Variants in PPM1B observed in about 807,000 individuals in gnomAD.
PPM1B encodes protein phosphatase 1B.
Under a neutral mutation model 43.0 loss-of-function variants are expected in PPM1B, and 22 were observed. The ratio of observed to expected loss-of-function variants is 0.51; its 90% CI spans 0.37 to 0.73. PPM1B has a LOEUF of 0.73. Ranked by LOEUF, PPM1B falls within the 30% of genes least tolerant of loss-of-function variation. PPM1B has a pLI of 0.00. For missense variants in PPM1B, 632 were observed against 584.2 expected, an observed-to-expected ratio of 1.08 and a Z score of -0.84; for synonymous variants, 217 against 197.9, an observed-to-expected ratio of 1.10 and a Z score of -0.81.
At chr2:44,218,106 G>A in intron 4 of PPM1B, 28 bp downstream of exon 4, 2 of 1,491,886 alleles carry the variant, frequency 1.3e-6, no homozygotes, top group South Asian at 2.3e-5. Flanking sequence ...CTAATTTTGA[G>A]TTCGTTCATA....
Position 44,201,165 on chromosome 2 carries a change from C to T in PPM1B, c.-14-21C>T. 1.9e-6 allele frequency: 3 copies of T among 1,551,664 alleles called. No homozygotes were observed. Among genetic ancestry groups the T allele is most frequent in the East Asian group, 4.5e-5 (2 of 44,250 alleles). ...TTTTCTGTCAAATTTAAACATTTAA[C>T]ACCTGCATTTTTTATTTCAGATTTA... On this transcript the variant is annotated intron_variant, in intron 1 of 5. Transcript: ENST00000282412. This position sits in a 1 kb window ranked among gnomAD's most constrained non-coding sequence, Gnocchi z 5.4.
At chr2:44,188,973 A>G (rs1036160525) in intron 1 of PPM1B, among the ~76,000 whole-genome samples, 2 of 151,918 alleles carry the variant, frequency 1.3e-5, no homozygotes, top group African/African-American at 4.8e-5. Flanking sequence ...GGCTAAGGTA[A>G]TCTTCCCACT....
At chr2:44,194,802 G>A (rs1427669154) in intron 1 of PPM1B, among the ~76,000 whole-genome samples, 1 of 151,896 alleles carries the variant, frequency 6.6e-6, no homozygotes, top group Non-Finnish European at 1.5e-5. Context: ...CTGGTTTTCT[G>A]TAAGGCTTCT....
intron 5 of PPM1B, among the ~76,000 whole-genome samples, chr2:44,222,115 G>T (rs1207610455): frequency 1.3e-5 from 2 of 151,976 alleles, no homozygotes; most frequent in Non-Finnish European, 2.9e-5. Flanking sequence ...CTTTATATTA[G>T]ACAGGGCTCT....
chr2:44,227,009 C>T (rs1288998735), intron 5 of PPM1B, among the ~76,000 whole-genome samples: 1 of 150,782 alleles, frequency 6.6e-6, no homozygotes, highest in Non-Finnish European at 1.5e-5. Context: ...GGTCTTCCTC[C>T]ATTGCCCAGG....
downstream of PPM1B, chr2:44,234,158 A>G: frequency 4.1e-6 from 4 of 977,284 alleles, no homozygotes; most frequent in Non-Finnish European, 4.9e-6. Context: ...CCAAAGAGGA[A>G]TTAACCAAAC....
intron 5 of PPM1B, among the ~76,000 whole-genome samples, chr2:44,227,764 C>T (rs1445972418): frequency 2.0e-5 from 3 of 151,804 alleles, no homozygotes; most frequent in Admixed American, 1.3e-4. Flanking sequence ...AGGTGATCCA[C>T]CCATCTCAGC....
rs139165307 is a variant in PPM1B at position 44,199,150 on chromosome 2, C to T, written c.-14-2036C>T. On this transcript the variant is annotated intron_variant, in intron 1 of 5. Coordinates refer to ENST00000282412, the MANE Select transcript of PPM1B (RefSeq NM_002706.6). ...GCGCGTGCCTGTAACCCCAGCTACC[C>T]GGGAGGCTGAGGCAGGAGAGTGGTG... Among the ~76,000 whole-genome samples the T allele has an allele frequency of 8.7e-3, 1,305 of 150,370 alleles. 19 individuals carry two copies. The highest frequency in any genetic ancestry group is 0.03 in the African/African-American group (1,242 of 40,842).
At position 44,201,496 on chromosome 2, in the gene PPM1B, G is replaced by C; in HGVS notation, c.297G>C (p.Val99=). ...CAGGATCTGCTCTTGAGCTTTCAGT[G>C]GAAAATGTTAAGAATGGTATCAGAA... is the stretch of plus-strand genomic sequence containing the variant. ...GKSGSALELS[V]ENVKNGIRTG... The change falls in exon 2 of 6, where the codon GTG becomes GTC. Residue 99 remains valine (V), a synonymous_variant. Coordinates refer to ENST00000282412, the MANE Select transcript of PPM1B (RefSeq NM_002706.6). This position sits in a 1 kb window ranked among gnomAD's most constrained non-coding sequence, Gnocchi z 5.4. 1 of 1,614,128 alleles carries C rather than the reference G, an allele frequency of 6.2e-7. No individual in the cohort carries two copies. Among genetic ancestry groups the C allele is most frequent in the African/African-American group, 1.3e-5 (1 of 75,030 alleles).
intron 5 of PPM1B, among the ~76,000 whole-genome samples, chr2:44,242,444 A>T (rs1371453376): frequency 6.6e-6 from 1 of 152,184 alleles, no homozygotes; most frequent in Non-Finnish European, 1.5e-5. Flanking sequence ...GGCAATAGGT[A>T]AAATTGTTGT....
chr2:44,203,681 C>T (rs1170348976), intron 2 of PPM1B, among the ~76,000 whole-genome samples: 2 of 152,160 alleles, frequency 1.3e-5, no homozygotes, highest in East Asian at 3.9e-4. Flanking sequence ...CCTGCCTTTT[C>T]CAACAATATA....
At chr2:44,246,868 G>C (rs913281886), downstream of PPM1B, among the ~76,000 whole-genome samples, 1 of 151,900 alleles carries the variant, frequency 6.6e-6, no homozygotes, top group African/African-American at 2.4e-5. Context: ...TTATTTTTAG[G>C]TACCTCTGCC....
rs1322717571 is a variant in PPM1B, at chr2:44,188,283, G to C, written c.-14-12903G>C. ...AGATGAAGTATCTTTTTGAATCTGAGGATTCTGATTTCTGATTTAAAAGAA... is the reference window on the plus strand; with the variant it reads ...AGATGAAGTATCTTTTTGAATCTGACGATTCTGATTTCTGATTTAAAAGAA... On this transcript the variant is annotated intron_variant, in intron 1 of 5. Transcript: ENST00000282412. Among the ~76,000 whole-genome samples, 3 of 152,006 alleles carry C rather than the reference G, an allele frequency of 2.0e-5. No homozygotes were observed. In the East Asian group the frequency reaches 5.8e-4, roughly 29 times the overall value.
chr2:44,217,932 C>T (rs775570075), intron 3 of PPM1B, 35 bp from the exon 4 acceptor site: 13 of 1,431,250 alleles, frequency 9.1e-6, no homozygotes, highest in Non-Finnish European at 1.2e-5. Flanking sequence ...TGGCTTATCA[C>T]ATTAATTTAG....
chr2:44,177,937 TAAG>T (rs1187242607), intron 1 of PPM1B, among the ~76,000 whole-genome samples: 2 of 146,118 alleles, frequency 1.4e-5, no homozygotes, highest in East Asian at 2.0e-4. Context: ...TTTTTTTTAA[TAAG>T]ACAGTCCGGC....
chr2:44,175,343 G>A (rs774523650), intron 1 of PPM1B, among the ~76,000 whole-genome samples: 8 of 152,246 alleles, frequency 5.3e-5, no homozygotes, highest in Non-Finnish European at 1.0e-4. Context: ...AGCTTTGGGA[G>A]GCTTTCTGCT....
intron 1 of PPM1B, among the ~76,000 whole-genome samples, chr2:44,194,304 C>T (rs936835452): frequency 6.6e-6 from 1 of 152,136 alleles, no homozygotes; most frequent in Admixed American, 6.5e-5. Flanking sequence ...GGAGACCAAG[C>T]ATTTTATGGA....
At chr2:44,209,058 T>C in intron 2 of PPM1B, 152 bp from the exon 3 acceptor site, 1 of 663,384 alleles carries the variant, frequency 1.5e-6, no homozygotes, top group Non-Finnish European at 2.4e-6. Flanking sequence ...CTTCAAGTTG[T>C]GTTTTTAGTA....
At chr2:44,228,325 C>T (rs1034192865) in intron 5 of PPM1B, among the ~76,000 whole-genome samples, 2 of 151,268 alleles carry the variant, frequency 1.3e-5, no homozygotes, top group African/African-American at 4.9e-5. Flanking sequence ...GTAGTTGGGA[C>T]TATGGGCGTG....
Sources: gnomAD v4.1 joint callset for allele counts (sites outside exome capture counted in the v4.1 genomes callset) on GRCh38, gnomAD v4.1.1 for gene constraint, Gnocchi (gnomAD v3.1) non-coding constraint, MANE v1.5 for transcripts, NCBI Gene and HGNC (gene_info 2026-07-23, HGNC 2026-07-21) for gene names.